KIAA1328: variants seen among roughly 807,000 people sequenced by gnomAD.
KIAA1328 encodes the protein KIAA1328.
KIAA1328 carries 52 observed loss-of-function variants against 68.1 expected under a neutral mutation model. That is an observed-to-expected ratio of 0.76 (90% CI 0.61 to 0.96). The LOEUF (loss-of-function observed/expected upper bound fraction) is 0.96. KIAA1328 is among the 40% of genes least tolerant of loss of function. KIAA1328 has a pLI of 0.00. For synonymous variants in KIAA1328, 232 were observed against 239.4 expected (o/e 0.97, Z 0.28); for missense variants, 641 against 677.6 (o/e 0.95, Z 0.60).
At chr18:36,946,665 T>C (rs1246720440) in intron 5 of KIAA1328, 1 of 152,222 alleles carries the variant, frequency 6.6e-6, no homozygotes, top group Non-Finnish European at 1.5e-5. Context: ...AGATTAATAA[T>C]AGTACATAAT....
chr18:36,962,306 C>T (rs559254002), intron 6 of KIAA1328, among the ~76,000 whole-genome samples: 1 of 152,254 alleles, frequency 6.6e-6, no homozygotes, highest in African/African-American at 2.4e-5. Flanking sequence ...TACAGAAGCA[C>T]CCAGATTCAT....
At chr18:36,871,914 T>C (rs1215349940) in intron 4 of KIAA1328, among the ~76,000 whole-genome samples, 1 of 151,958 alleles carries the variant, frequency 6.6e-6, no homozygotes, top group Non-Finnish European at 1.5e-5. Flanking sequence ...GCAGCAAATA[T>C]GGGAGAGCTT....
intron 4 of KIAA1328, among the ~76,000 whole-genome samples, chr18:36,881,515 G>A (rs977466887): frequency 5.3e-5 from 8 of 151,954 alleles, no homozygotes; most frequent in Admixed American, 3.3e-4. Flanking sequence ...TTTAAACAGC[G>A]TATTCACAGT....
intron 7 of KIAA1328, among the ~76,000 whole-genome samples, chr18:37,125,401 A>C (rs1230083898): frequency 6.6e-6 from 1 of 152,220 alleles, no homozygotes; most frequent in African/African-American, 2.4e-5. Flanking sequence ...CTTATATTAG[A>C]AAGTTTAAAT....
chr18:37,165,261 G>A (rs917203368), intron 8 of KIAA1328, among the ~76,000 whole-genome samples: 6 of 152,030 alleles, frequency 3.9e-5, no homozygotes, highest in African/African-American at 9.7e-5. Context: ...TCTAATTTTT[G>A]TGCCTTAGAC....
chr18:36,985,594 C>T (rs755517381), intron 6 of KIAA1328, among the ~76,000 whole-genome samples: 6 of 151,978 alleles, frequency 3.9e-5, no homozygotes, highest in East Asian at 1.9e-4. Flanking sequence ...TGACATTCAA[C>T]GGAGGAAGAA....
chr18:36,991,882 A>G (rs2053193134), intron 6 of KIAA1328, among the ~76,000 whole-genome samples: 1 of 152,182 alleles, frequency 6.6e-6, no homozygotes, highest in Non-Finnish European at 1.5e-5. Context: ...AGAGCTGGGA[A>G]TGTATCTGTG....
At chr18:37,172,503 T>C (rs1336250779) in intron 8 of KIAA1328, among the ~76,000 whole-genome samples, 3 of 152,184 alleles carry the variant, frequency 2.0e-5, no homozygotes, top group Non-Finnish European at 4.4e-5. Context: ...CTCTTCCAAT[T>C]AAGACATGTG....
intron 6 of KIAA1328, among the ~76,000 whole-genome samples, chr18:37,027,869 G>C (rs561821154): frequency 3.3e-5 from 5 of 152,004 alleles, no homozygotes; most frequent in Non-Finnish European, 7.4e-5. Flanking sequence ...TTGACAAATG[G>C]GATCTAATTA....
intron 7 of KIAA1328, among the ~76,000 whole-genome samples, chr18:37,127,107 T>G (rs1428424278): frequency 6.6e-5 from 10 of 152,156 alleles, no homozygotes; most frequent in Admixed American, 6.5e-4. Context: ...GCTACATTAC[T>G]GGAAAGGAAG....
chr18:36,896,449 A>G (rs962935997), intron 5 of KIAA1328, among the ~76,000 whole-genome samples: 4 of 152,124 alleles, frequency 2.6e-5, no homozygotes, highest in African/African-American at 7.2e-5. Context: ...TCAGAGAGCA[A>G]CTTCTATGTT....
intron 4 of KIAA1328, among the ~76,000 whole-genome samples, chr18:36,876,672 C>G (rs1328519503): frequency 1.3e-5 from 2 of 152,060 alleles, no homozygotes; most frequent in Admixed American, 1.3e-4. Context: ...TGTCTCTTAT[C>G]TCCTTCGTTC....
chr18:36,834,222 T>C, intron 1 of KIAA1328, 98 bp from the exon 2 acceptor site: 6 of 1,272,480 alleles, frequency 4.7e-6, no homozygotes, highest in Non-Finnish European at 6.0e-6. Context: ...AATTCCCAGG[T>C]CAAAAGAAAT....
chr18:37,219,105 C>G (rs1297707106), intron 9 of KIAA1328, among the ~76,000 whole-genome samples: 1 of 152,178 alleles, frequency 6.6e-6, no homozygotes, highest in African/African-American at 2.4e-5. Flanking sequence ...TGCTGGAGGT[C>G]CACTCCAGAC....
At chr18:37,117,885 A>T (rs12606281) in intron 7 of KIAA1328, among the ~76,000 whole-genome samples, 69,082 of 142,914 alleles carry the variant, frequency 0.48, 16,433 homozygotes, top group South Asian at 0.65. Flanking sequence ...TTAAAAAAAA[A>T]AAATATATAT....
At chr18:37,156,172 C>T (rs1214782991) in intron 7 of KIAA1328, among the ~76,000 whole-genome samples, 3 of 151,922 alleles carry the variant, frequency 2.0e-5, no homozygotes, top group African/African-American at 7.3e-5. Flanking sequence ...TTTGGGAGGC[C>T]AAGGCGGGCA....
chr18:36,845,284 C>T (rs543168207), intron 4 of KIAA1328, among the ~76,000 whole-genome samples: 201 of 151,758 alleles, frequency 1.3e-3, no homozygotes, highest in Middle Eastern at 3.4e-3. Flanking sequence ...GTAGAGTTTT[C>T]ATTAATTTCA....
intron 7 of KIAA1328, among the ~76,000 whole-genome samples, chr18:37,069,121 A>G (rs1230810244): frequency 6.6e-6 from 1 of 152,214 alleles, no homozygotes; most frequent in Non-Finnish European, 1.5e-5. Context: ...TGCCCTGTTA[A>G]TATGGTGAAT....
intron 9 of KIAA1328, among the ~76,000 whole-genome samples, chr18:37,221,812 G>C (rs1057073592): frequency 1.3e-5 from 2 of 152,166 alleles, no homozygotes; most frequent in Admixed American, 6.5e-5. Flanking sequence ...CAGCAAAAGA[G>C]AAGAGCTTAT....
Sources: gnomAD v4.1 joint callset for allele counts (sites outside exome capture counted in the v4.1 genomes callset) on GRCh38, gnomAD v4.1.1 for gene constraint, MANE v1.5 for transcripts, NCBI Gene and HGNC (gene_info 2026-07-23, HGNC 2026-07-21) for gene names.